The following CNTN6 variants were observed in gnomAD, a reference collection of about 807,000 sequenced individuals.
CNTN6 encodes contactin-6.
Under a neutral mutation model 122.8 loss-of-function variants are expected in CNTN6, and 137 were observed. The observed-to-expected ratio is 1.12, with a 90% CI of 0.97 to 1.29. The LOEUF is 1.29. Among genes scored for constraint, CNTN6 ranks in the 50% most tolerant of loss-of-function variants. The probability of loss-of-function intolerance (pLI) is 0.00; values close to 1 mark genes in which losing one functional copy is unlikely to be tolerated. For synonymous variants in CNTN6, 570 were observed against 426.0 expected (o/e 1.34, Z -4.16); for missense variants, 1,634 against 1,223.4 (o/e 1.34, Z -5.01).
chr3:1,339,418 A>G (rs1703567819), intron 11 of CNTN6, among the ~76,000 whole-genome samples: 1 of 152,170 alleles, frequency 6.6e-6, no homozygotes, highest in Non-Finnish European at 1.5e-5. Flanking sequence ...GCGTTGTGAA[A>G]GATTCTGGGT....
At position 1,171,270 on chromosome 3, in the gene CNTN6, T is replaced by TAAC. The variant is rs2093353411; in HGVS notation, c.55+23207_55+23208insAAC. Among the ~76,000 whole-genome samples the TAAC allele has an allele frequency of 2.0e-5, 3 of 152,248 alleles. No individual in the cohort carries two copies. The South Asian group carries it at 6.2e-4, about 32-fold the overall frequency. ...GGGTTATTTTGACCATAGATCAAAC[T>TAAC]CCAAAAATTTAAGCAAAGAAATAAT... On this transcript the variant is annotated intron_variant, in intron 2 of 22. Transcript: ENST00000446702.
At chr3:1,288,363 G>C (rs561418423) in intron 5 of CNTN6, among the ~76,000 whole-genome samples, 1 of 152,132 alleles carries the variant, frequency 6.6e-6, no homozygotes, top group African/African-American at 2.4e-5. Context: ...GGATTACATC[G>C]TAAACTTCCT....
intron 4 of CNTN6, among the ~76,000 whole-genome samples, chr3:1,264,672 T>C (rs73002383): frequency 0.062 from 9,382 of 152,246 alleles, 340 homozygotes; most frequent in Middle Eastern, 0.13. Flanking sequence ...ATCAAGCTAA[T>C]TAAATTTGTC....
At chr3:1,237,684 A>G (rs1434973513) in intron 4 of CNTN6, among the ~76,000 whole-genome samples, 2 of 152,216 alleles carry the variant, frequency 1.3e-5, no homozygotes, top group Non-Finnish European at 2.9e-5. Context: ...AAAACCTATC[A>G]GATTAACAGA....
Position 1,372,320 on chromosome 3 carries a change from C to T in CNTN6, c.1514C>T (p.Pro505Leu), listed in dbSNP as rs371274615. 72 of 1,608,138 alleles carry T rather than the reference C, an allele frequency of 4.5e-5. No homozygotes were observed. The highest frequency in any genetic ancestry group is 5.6e-5 in the Non-Finnish European group (66 of 1,177,566). The part of the protein sequence containing the change: ...IVKERTVITV[P>L]PSKMDVTVGE... ...ACAGAGAGAACTGTCATTACCGTCC[C>T]ACCTTCCAAAATGGATGTTACAGTT... The change falls in exon 13 of 23, where the codon CCA becomes CTA. Residue 505 changes from proline (P) to leucine (L), a missense_variant. Transcript: ENST00000446702.
At chr3:1,156,681 TTCCC>T (rs3043054) in intron 2 of CNTN6, among the ~76,000 whole-genome samples, 101,339 of 146,602 alleles carry the variant, frequency 0.69, 36,528 homozygotes, top group African/African-American at 0.91. Context: ...CTTCCTTCCT[TTCCC>T]TCCCTCCCTT....
At chr3:1,339,039 C>A (rs1703506667) in intron 11 of CNTN6, among the ~76,000 whole-genome samples, 1 of 151,840 alleles carries the variant, frequency 6.6e-6, no homozygotes, top group Admixed American at 6.6e-5. Context: ...ACCTTCCAAA[C>A]AAGCAGTGAA....
intron 12 of CNTN6, among the ~76,000 whole-genome samples, chr3:1,365,531 T>A (rs970617786): frequency 6.6e-6 from 1 of 152,046 alleles, no homozygotes; most frequent in African/African-American, 2.4e-5. Context: ...ACATTGTTTC[T>A]CAGAAGTCCT....
intron 4 of CNTN6, among the ~76,000 whole-genome samples, chr3:1,266,949 CTTTTTTT>C (rs1036704755): frequency 3.3e-5 from 3 of 90,412 alleles, no homozygotes; most frequent in Non-Finnish European, 6.2e-5. Context: ...CAGCCTGGCC[CTTTTTTT>C]TTTTTTTTTT....
Position 1,190,166 on chromosome 3 carries a change from G to A in CNTN6, c.56-30521G>A, listed in dbSNP as rs1317243818. 5.9e-5 allele frequency among the ~76,000 whole-genome samples: 9 copies of A among 152,202 alleles called. No individual in the cohort carries two copies. The East Asian group carries it at 1.7e-3, about 29-fold the overall frequency. On this transcript the variant is annotated intron_variant, in intron 2 of 22. Transcript: ENST00000446702. ...TCCTGTGTGTTTGCACAGGAGAAAG[G>A]GAGAGAGAAAGAGAGGGGAGTGGGA...
intron 12 of CNTN6, among the ~76,000 whole-genome samples, chr3:1,353,425 C>T (rs548090420): frequency 5.3e-4 from 81 of 151,764 alleles, no homozygotes; most frequent in African/African-American, 1.6e-3. Flanking sequence ...TTGTCTCAAG[C>T]GTATTACATT....
At chr3:1,331,327 A>G (rs139350646) in intron 11 of CNTN6, among the ~76,000 whole-genome samples, 117 of 152,158 alleles carry the variant, frequency 7.7e-4, no homozygotes, top group African/African-American at 2.7e-3. Flanking sequence ...AACTTAATAA[A>G]TATCTGTGGA....
intron 11 of CNTN6, among the ~76,000 whole-genome samples, chr3:1,349,836 CATTA>C (rs1462219896): frequency 6.6e-6 from 1 of 151,470 alleles, no homozygotes; most frequent in African/African-American, 2.4e-5. Context: ...TTTAATATCT[CATTA>C]ATTAAAGGAG....
intron 2 of CNTN6, among the ~76,000 whole-genome samples, chr3:1,149,668 G>A (rs899184583): frequency 6.6e-6 from 1 of 152,064 alleles, no homozygotes; most frequent in Non-Finnish European, 1.5e-5. Context: ...AAGATTTGGG[G>A]TTAAATAATA....
At chr3:1,373,163 A>T (rs940311519) in intron 14 of CNTN6, among the ~76,000 whole-genome samples, 1 of 152,160 alleles carries the variant, frequency 6.6e-6, no homozygotes, top group Admixed American at 6.6e-5. Flanking sequence ...GGAACTGTGT[A>T]GGATTTGACT....
intron 7 of CNTN6, among the ~76,000 whole-genome samples, chr3:1,315,609 A>C (rs1192659270): frequency 6.6e-6 from 1 of 151,994 alleles, no homozygotes; most frequent in Non-Finnish European, 1.5e-5. Context: ...AATGATTATT[A>C]ATATTATTTT....
intron 1 of CNTN6, among the ~76,000 whole-genome samples, chr3:1,113,169 A>G (rs1302569041): frequency 2.0e-5 from 3 of 152,226 alleles, no homozygotes; most frequent in Non-Finnish European, 4.4e-5. Context: ...TGGCTGTGGT[A>G]GAAGTAATAT....
At chr3:1,392,383 T>G (rs1357893573) in intron 20 of CNTN6, among the ~76,000 whole-genome samples, 1 of 152,186 alleles carries the variant, frequency 6.6e-6, no homozygotes, top group Non-Finnish European at 1.5e-5. Flanking sequence ...ATCCCTTCCT[T>G]ACACCTTATA....
chr3:1,312,523 G>A (rs931366294), intron 7 of CNTN6, among the ~76,000 whole-genome samples: 2 of 151,342 alleles, frequency 1.3e-5, no homozygotes, highest in African/African-American at 4.9e-5. Context: ...GCTGACCTTG[G>A]AGCCCATCTC....
Sources: allele counts gnomAD v4.1 joint callset (sites outside exome capture counted in the v4.1 genomes callset), GRCh38; gene constraint gnomAD v4.1.1; transcripts MANE v1.5; gene names NCBI Gene and HGNC (gene_info 2026-07-23, HGNC 2026-07-21).